BRD10: variants seen among roughly 807,000 people sequenced by gnomAD.
The protein encoded by BRD10 is bromodomain containing 10.
chr9:5,892,042 T>C, the BRD10 span, among the ~76,000 whole-genome samples: 1 of 152,168 alleles, frequency 6.6e-6, no homozygotes, highest in South Asian at 2.1e-4. Context: ...GAAAAATAAC[T>C]CCTCTAATTT....
chr9:5,914,324 G>GT, the BRD10 span, among the ~76,000 whole-genome samples: 2 of 135,110 alleles, frequency 1.5e-5, no homozygotes, highest in East Asian at 2.2e-4. Flanking sequence ...TCTTTTTATT[G>GT]TTTTTTCTTA....
chr9:5,935,391 G>T, the BRD10 span, among the ~76,000 whole-genome samples: 2 of 152,172 alleles, frequency 1.3e-5, no homozygotes, highest in African/African-American at 4.8e-5. Context: ...CTTTGTAGCG[G>T]GGGAAAAACT....
the BRD10 span, among the ~76,000 whole-genome samples, chr9:5,996,610 C>T: frequency 9.9e-5 from 15 of 152,270 alleles, no homozygotes; most frequent in African/African-American, 3.6e-4. Context: ...GGATTATAGG[C>T]ATGAGCTACC....
At chr9:5,991,461 G>A in the BRD10 span, among the ~76,000 whole-genome samples, 2 of 152,056 alleles carry the variant, frequency 1.3e-5, no homozygotes, top group African/African-American at 2.4e-5. Context: ...AGTCACTCAC[G>A]CCTGTAATCC....
At chr9:6,007,556 C>A in the BRD10 span, 1 of 1,612,908 alleles carries the variant, frequency 6.2e-7, no homozygotes, top group South Asian at 1.1e-5. Context: ...TGCTGTAGCT[C>A]GTAGGTCAGC....
the BRD10 span, chr9:5,908,808 A>C: frequency 8.5e-7 from 1 of 1,171,234 alleles, no homozygotes; most frequent in Non-Finnish European, 1.3e-6. Context: ...ATGGTGTAGG[A>C]AAAATGCAAG....
chr9:5,976,928 T>C, the BRD10 span, among the ~76,000 whole-genome samples: 8 of 152,152 alleles, frequency 5.3e-5, no homozygotes, highest in African/African-American at 1.7e-4. Context: ...AAAGGGAAAG[T>C]TGGAGTAGAT....
the BRD10 span, among the ~76,000 whole-genome samples, chr9:5,880,288 C>T: frequency 1.3e-4 from 19 of 151,698 alleles, no homozygotes; most frequent in African/African-American, 4.1e-4. Flanking sequence ...CTGAGGTGGG[C>T]GAATCACAAG....
the BRD10 span, among the ~76,000 whole-genome samples, chr9:5,891,546 T>C: frequency 6.6e-6 from 1 of 152,276 alleles, no homozygotes; most frequent in African/African-American, 2.4e-5. Context: ...ATTAATATAA[T>C]TCTATGGGGA....
At chr9:5,962,462 C>T in the BRD10 span, among the ~76,000 whole-genome samples, 9 of 87,194 alleles carry the variant, frequency 1.0e-4, no homozygotes, top group African/African-American at 1.8e-4. Flanking sequence ...GATTCACAGC[C>T]GAATTCTACC....
At chr9:5,921,183 T>C in the BRD10 span, 1 of 1,613,952 alleles carries the variant, frequency 6.2e-7, no homozygotes, top group African/African-American at 1.3e-5. Context: ...TCTTCTCCTT[T>C]TGGGGTTACA....
the BRD10 span, among the ~76,000 whole-genome samples, chr9:6,006,665 CAGTA>C: frequency 6.6e-6 from 1 of 152,162 alleles, no homozygotes; most frequent in African/African-American, 2.4e-5. Flanking sequence ...GAGAAAAGAT[CAGTA>C]GTATGCAAAA....
chr9:5,946,160 G>A, the BRD10 span, among the ~76,000 whole-genome samples: 9 of 151,960 alleles, frequency 5.9e-5, no homozygotes, highest in South Asian at 8.3e-4. Flanking sequence ...TTGCTGATAT[G>A]CTTTTTATCC....
the BRD10 span, among the ~76,000 whole-genome samples, chr9:5,888,544 G>C: frequency 1.3e-5 from 2 of 152,322 alleles, no homozygotes; most frequent in African/African-American, 4.8e-5. Flanking sequence ...TAAAGCAGCA[G>C]AGACAATTTG....
the BRD10 span, chr9:5,968,479 A>G: frequency 1.9e-6 from 3 of 1,611,332 alleles, no homozygotes; most frequent in East Asian, 2.2e-5. Context: ...TTTCTTTACA[A>G]CAATCAGTTT....
At chr9:5,910,946 T>G in the BRD10 span, among the ~76,000 whole-genome samples, 8 of 152,196 alleles carry the variant, frequency 5.3e-5, no homozygotes, top group Admixed American at 3.9e-4. Context: ...TGGTTATTAA[T>G]CCCTTGTCAG....
the BRD10 span, among the ~76,000 whole-genome samples, chr9:5,891,737 G>C: frequency 2.0e-5 from 3 of 152,182 alleles, no homozygotes; most frequent in African/African-American, 7.2e-5. Flanking sequence ...TCCTAGCCAA[G>C]GGACTTGAAC....
At chr9:5,943,988 AT>A in the BRD10 span, among the ~76,000 whole-genome samples, 1 of 152,194 alleles carries the variant, frequency 6.6e-6, no homozygotes, top group African/African-American at 2.4e-5. Flanking sequence ...CTAACAACAT[AT>A]AAAATGACTA....
chr9:6,008,289 G>A, the BRD10 span: 4 of 984,680 alleles, frequency 4.1e-6, no homozygotes, highest in Non-Finnish European at 3.6e-6. Context: ...ACCTGCGGGG[G>A]ACACGGGCAG....
Sources: allele counts gnomAD v4.1 joint callset (sites outside exome capture counted in the v4.1 genomes callset), GRCh38; gene constraint gnomAD v4.1.1; transcripts MANE v1.5; gene names NCBI Gene and HGNC (gene_info 2026-07-23, HGNC 2026-07-21).